Variants in TLN2 observed in about 807,000 individuals in gnomAD.
The protein encoded by TLN2 is talin-2.
In TLN2, 118 loss-of-function variants were observed where a neutral mutation model predicts 294.7. The observed-to-expected ratio is 0.40, with a 90% CI of 0.34 to 0.47. The LOEUF is 0.47. Among genes scored for constraint, TLN2 ranks in the 20% least tolerant of loss-of-function variants. The probability of loss-of-function intolerance (pLI) is 0.84; values close to 1 mark genes in which losing one functional copy is unlikely to be tolerated. For missense variants in TLN2, 3,083 were observed against 3,282.2 expected (o/e 0.94, Z 1.48); for synonymous variants, 1,431 against 1,304.5 (o/e 1.10, Z -2.09).
At chr15:62,559,653 G>A (rs914002151) in intron 1 of TLN2, among the ~76,000 whole-genome samples, 2 of 152,160 alleles carry the variant, frequency 1.3e-5, no homozygotes, top group South Asian at 2.1e-4. Context: ...CTTATTTTAG[G>A]CAAGGCTCTT....
chr15:62,658,797 T>G (rs762807908), intron 9 of TLN2, among the ~76,000 whole-genome samples: 5 of 152,176 alleles, frequency 3.3e-5, no homozygotes, highest in Non-Finnish European at 7.3e-5. Flanking sequence ...CAAGTTCCTT[T>G]AGCAGTTTCC....
intron 1 of TLN2, among the ~76,000 whole-genome samples, chr15:62,422,825 G>C (rs970948259): frequency 6.6e-6 from 1 of 152,200 alleles, no homozygotes; most frequent in African/African-American, 2.4e-5. Context: ...TGGCTGCTCA[G>C]AAACACTTGT....
intron 50 of TLN2, among the ~76,000 whole-genome samples, chr15:62,803,916 G>A (rs1385420871): frequency 6.6e-6 from 1 of 152,172 alleles, no homozygotes; most frequent in South Asian, 2.1e-4. Flanking sequence ...GGGCTTGTTT[G>A]TGCCTGTCTT....
chr15:62,702,683 A>T, intron 18 of TLN2, 83 bp from the exon 19 acceptor site: 2 of 1,396,006 alleles, frequency 1.4e-6, no homozygotes, highest in Non-Finnish European at 2.0e-6. Flanking sequence ...ATTCTGTGAG[A>T]TTCTACTTCC....
At position 62,797,432 on chromosome 15, in the gene TLN2, C is replaced by A. The variant is rs1055139519; in HGVS notation, c.6234+30C>A. On this transcript the variant is annotated intron_variant, in intron 48 of 58. Coordinates refer to ENST00000636159, the MANE Select transcript of TLN2 (RefSeq NM_015059.3). The stretch of plus-strand genomic sequence containing the variant: ...CAGCAGGGCCTGGGGAGTGCGTCCT[C>A]CCGGTCTTCCCGTGAACGCTGCACA... 5 of 1,553,482 alleles carry A rather than the reference C, an allele frequency of 3.2e-6. 1 individual carries two copies. The Admixed American group carries it at 1.0e-4, about 32-fold the overall frequency.
intron 35 of TLN2, among the ~76,000 whole-genome samples, chr15:62,753,367 A>G (rs1392691284): frequency 6.6e-6 from 1 of 152,146 alleles, no homozygotes. Flanking sequence ...GCTCCACACC[A>G]TTAGTCTGCA....
chr15:62,441,142 C>T (rs984484600), intron 1 of TLN2, among the ~76,000 whole-genome samples: 1 of 152,088 alleles, frequency 6.6e-6, no homozygotes, highest in Non-Finnish European at 1.5e-5. Context: ...GGTTCCAGTA[C>T]AAGCAGAGAT....
intron 1 of TLN2, among the ~76,000 whole-genome samples, chr15:62,452,569 T>A (rs2036223780): frequency 6.6e-6 from 1 of 152,206 alleles, no homozygotes; most frequent in Admixed American, 6.5e-5. Context: ...TCTTTCATCT[T>A]GTAAAACTGA....
chr15:62,758,658 C>T (rs1282448405), intron 37 of TLN2: 1 of 152,232 alleles, frequency 6.6e-6, no homozygotes, highest in Admixed American at 6.5e-5. Context: ...TTTGACTTGG[C>T]TGTGAGTATG....
intron 2 of TLN2, among the ~76,000 whole-genome samples, chr15:62,592,087 G>A (rs991035722): frequency 5.3e-5 from 8 of 152,192 alleles, no homozygotes; most frequent in African/African-American, 1.4e-4. Flanking sequence ...TCCCCTTGGG[G>A]TATGGGGATG....
chr15:62,664,875 A>AAAAAAAAAAAG (rs1555462003), intron 9 of TLN2, among the ~76,000 whole-genome samples: 11 of 146,562 alleles, frequency 7.5e-5, no homozygotes, highest in African/African-American at 2.9e-4. Flanking sequence ...AAAAAAAAAA[A>AAAAAAAAAAAG]AAAGTGGCTA....
At chr15:62,657,153 T>G (rs116558147) in intron 8 of TLN2, among the ~76,000 whole-genome samples, 1,218 of 139,216 alleles carry the variant, frequency 8.7e-3, no homozygotes, top group Middle Eastern at 0.014. Context: ...GCTGAAAAGG[T>G]GGGGGGGGGA....
intron 1 of TLN2, among the ~76,000 whole-genome samples, chr15:62,460,772 A>G (rs1053552867): frequency 2.0e-5 from 3 of 152,326 alleles, no homozygotes; most frequent in Admixed American, 1.3e-4. Flanking sequence ...AACACAAATC[A>G]TAACTGGACG....
At chr15:62,566,031 G>A (rs1260576829) in intron 1 of TLN2, among the ~76,000 whole-genome samples, 1 of 152,020 alleles carries the variant, frequency 6.6e-6, no homozygotes, top group Non-Finnish European at 1.5e-5. Flanking sequence ...GGTAACCCAT[G>A]TAAACTCTCA....
intron 1 of TLN2, among the ~76,000 whole-genome samples, chr15:62,428,242 A>C (rs2034823421): frequency 1.3e-5 from 2 of 152,352 alleles, no homozygotes; most frequent in Middle Eastern, 3.4e-3. Context: ...TAATGGGAAG[A>C]GGGATGGAGT....
intron 1 of TLN2, among the ~76,000 whole-genome samples, chr15:62,549,337 T>G (rs1437114495): frequency 6.6e-6 from 1 of 152,192 alleles, no homozygotes; most frequent in East Asian, 1.9e-4. Context: ...GGGTTTCACT[T>G]TAATTGAGGC....
At chr15:62,740,462 A>G (rs1276207453) in intron 31 of TLN2, 168 bp from the exon 32 acceptor site, 9 of 764,604 alleles carry the variant, frequency 1.2e-5, no homozygotes, top group Middle Eastern at 3.6e-4. Context: ...GGAGAAGGGT[A>G]GACACTGGTC....
chr15:62,491,295 C>G (rs2038691398), intron 1 of TLN2, among the ~76,000 whole-genome samples: 1 of 148,936 alleles, frequency 6.7e-6, no homozygotes, highest in Non-Finnish European at 1.5e-5. Context: ...CCACTGCACT[C>G]CAGTCTGAGT....
chr15:62,588,355 T>C (rs1466660970), intron 1 of TLN2, among the ~76,000 whole-genome samples: 4 of 151,778 alleles, frequency 2.6e-5, no homozygotes, highest in Admixed American at 6.6e-5. Context: ...TATAAAGAAA[T>C]AAGGGCGCAG....
Sources: gnomAD v4.1 joint callset for allele counts (sites outside exome capture counted in the v4.1 genomes callset) on GRCh38, gnomAD v4.1.1 for gene constraint, MANE v1.5 for transcripts, NCBI Gene and HGNC (gene_info 2026-07-23, HGNC 2026-07-21) for gene names.